Variants in SOCS2 observed in about 807,000 individuals in gnomAD.
SOCS2 encodes CIS-2.
Under a neutral mutation model 18.6 loss-of-function variants are expected in SOCS2, and 10 were observed. The observed-to-expected ratio is 0.54, with a 90% confidence interval of 0.33 to 0.91. The LOEUF (loss-of-function observed/expected upper bound fraction) is 0.91, where lower values mean the gene tolerates loss of function less well. SOCS2 is among the 40% of genes least tolerant of loss of function. The pLI is 0.02. For missense variants in SOCS2, 231 were observed against 247.2 expected (o/e 0.93, Z 0.44); for synonymous variants, 104 against 104.0 (o/e 1.00, Z 0.00).
the SOCS2 span, among the ~76,000 whole-genome samples, chr12:93,626,083 A>C: frequency 6.6e-6 from 1 of 152,136 alleles, no homozygotes; most frequent in Non-Finnish European, 1.5e-5. Flanking sequence ...GGTTCTGCCA[A>C]AGGTTTGGTT....
At chr12:93,596,079 A>G in the SOCS2 span, among the ~76,000 whole-genome samples, 2 of 152,162 alleles carry the variant, frequency 1.3e-5, no homozygotes, top group Admixed American at 1.3e-4. Flanking sequence ...CCTGATTGTT[A>G]AATGGTTGGA....
chr12:93,570,393 T>G (rs41534347), upstream of SOCS2: 1 of 152,344 alleles, frequency 6.6e-6, no homozygotes, highest in African/African-American at 2.4e-5. Context: ...CTCGCTGCCT[T>G]CCAGGACCTG....
chr12:93,573,508 C>A, intron 1 of SOCS2: 1 of 276,132 alleles, frequency 3.6e-6, no homozygotes, highest in Admixed American at 5.3e-5. Context: ...GCGAGGGCGG[C>A]TGCCCGGGCG....
At chr12:93,597,918 T>C in the SOCS2 span, among the ~76,000 whole-genome samples, 11 of 152,212 alleles carry the variant, frequency 7.2e-5, no homozygotes, top group African/African-American at 2.7e-4. Flanking sequence ...CTATGTAGTT[T>C]AGCTTTGTAG....
chr12:93,574,589 G>A (rs1954398633), intron 1 of SOCS2, 133 bp from the exon 2 acceptor site: 3 of 569,600 alleles, frequency 5.3e-6, no homozygotes, highest in Admixed American at 3.8e-5. Context: ...GTAAACTTTC[G>A]CTCACACACC....
At chr12:93,607,190 T>G in the SOCS2 span, among the ~76,000 whole-genome samples, 4 of 152,220 alleles carry the variant, frequency 2.6e-5, no homozygotes, top group African/African-American at 9.6e-5. Context: ...AGCCCTATCT[T>G]GAGACCATAG....
rs1393206271 is a variant in SOCS2 at position 93,575,171 on chromosome 12, C to G, written c.589C>G (p.Gln197Glu). 2 of 1,540,134 alleles carry G rather than the reference C, an allele frequency of 1.3e-6. No individual in the cohort carries two copies. The highest frequency in any genetic ancestry group is 1.4e-5 in the African/African-American group (1 of 72,314). The change falls in exon 2 of 2, where the codon CAG becomes GAG. Residue 197 changes from glutamine to glutamate, a missense_variant. This residue lies in a region of SOCS2 where 122 missense variants were observed against 127.2 expected (regional missense o/e 0.96). Transcript: ENST00000551556. ...LKDYLEEYKFQV is the reference protein window; with the variant it reads ...LKDYLEEYKFEV ...AGATTACTTGGAAGAATATAAATTC[C>G]AGGTATAAATGTTTCTCTTTTTTTA...
At chr12:93,611,217 G>C in the SOCS2 span, among the ~76,000 whole-genome samples, 1 of 151,892 alleles carries the variant, frequency 6.6e-6, no homozygotes, top group Non-Finnish European at 1.5e-5. Flanking sequence ...TTCTAATTAG[G>C]AACTGTCAAA....
chr12:93,625,988 A>G, the SOCS2 span, among the ~76,000 whole-genome samples: 3 of 152,004 alleles, frequency 2.0e-5, no homozygotes, highest in Admixed American at 6.6e-5. Flanking sequence ...TAACCATGAG[A>G]AAAAGGCCTG....
At chr12:93,583,049 G>T (rs149433302) in exon 2 of SOCS2, 76 of 141,788 alleles carry the variant, frequency 5.4e-4, no homozygotes, top group African/African-American at 1.9e-3. Context: ...CTGGTTAGAA[G>T]AATTTTGTGT....
At chr12:93,619,566 G>A in the SOCS2 span, among the ~76,000 whole-genome samples, 1 of 152,166 alleles carries the variant, frequency 6.6e-6, no homozygotes, top group East Asian at 1.9e-4. Flanking sequence ...GGTGCCATGT[G>A]GGCATCATAT....
At chr12:93,587,742 A>G (rs1223349959), downstream of SOCS2, among the ~76,000 whole-genome samples, 1 of 152,098 alleles carries the variant, frequency 6.6e-6, no homozygotes, top group East Asian at 1.9e-4. Context: ...TTCCAAGTAG[A>G]GCAGACCACA....
upstream of SOCS2, chr12:93,571,722 T>C (rs1333890883): frequency 1.0e-5 from 3 of 292,590 alleles, no homozygotes; most frequent in Non-Finnish European, 2.1e-5. Flanking sequence ...GACCGCCGCC[T>C]CCGAGCGCGG....
the SOCS2 span, among the ~76,000 whole-genome samples, chr12:93,618,117 C>T: frequency 3.3e-5 from 5 of 152,168 alleles, no homozygotes; most frequent in African/African-American, 1.2e-4. Flanking sequence ...CTCCCACTCT[C>T]TCTTCCGCCT....
chr12:93,572,834 C>T lies in SOCS2; in HGVS notation c.-64C>T. The T allele has an allele frequency of 6.5e-7, 1 of 1,550,340 alleles. No homozygotes were observed. Among genetic ancestry groups the T allele is most frequent in the Non-Finnish European group, 8.7e-7 (1 of 1,146,040 alleles). Reference sequence around the variant, plus strand: ...GATTCGCACTGACTTCAAGGAAGGACGCGAACCCTTCTCTGACCCCAGCTC... The same window carrying T: ...GATTCGCACTGACTTCAAGGAAGGATGCGAACCCTTCTCTGACCCCAGCTC... On this transcript the variant is annotated 5_prime_UTR_variant, in exon 1 of 2. It adds an upstream start codon to the 5' untranslated region. Coordinates refer to ENST00000551556, the MANE Select transcript of SOCS2 (RefSeq NM_001270471.2). This position sits in a 1 kb window ranked among gnomAD's most constrained non-coding sequence, Gnocchi z 5.0.
rs1954419389 is a variant in SOCS2, at chr12:93,575,052, A to G, written c.470A>G (p.Tyr157Cys). The change falls in exon 2 of 2, where the codon TAC (tyrosine) becomes TGC (cysteine). Residue 157 changes from tyrosine (Y) to cysteine (C), a missense_variant. By Grantham distance (194) the Tyr-to-Cys change is radical (BLOSUM62 -2). This residue lies in a region of SOCS2 where 122 missense variants were observed against 127.2 expected (regional missense o/e 0.96). Transcript: ENST00000551556. ...CACCTTTATCTGACCAAACCGCTCT[A>G]CACGTCAGCACCATCTCTGCAGCAT... ...TVHLYLTKPL[Y>C]TSAPSLQHLC... 2.5e-6 allele frequency: 4 copies of G among 1,614,160 alleles called. No individual in the cohort carries two copies. Among genetic ancestry groups the G allele is most frequent in the Non-Finnish European group, 3.4e-6 (4 of 1,180,016 alleles).
At chr12:93,597,486 C>T in the SOCS2 span, among the ~76,000 whole-genome samples, 6,888 of 152,070 alleles carry the variant, frequency 0.045, 505 homozygotes, top group African/African-American at 0.16. Flanking sequence ...CGCCTAATTT[C>T]TGTATTTTCA....
chr12:93,610,606 G>A, the SOCS2 span, among the ~76,000 whole-genome samples: 1 of 152,142 alleles, frequency 6.6e-6, no homozygotes, highest in Admixed American at 6.5e-5. Context: ...TTGAGTCATG[G>A]GCACTCCAGT....
At chr12:93,594,727 G>C in the SOCS2 span, among the ~76,000 whole-genome samples, 3 of 152,138 alleles carry the variant, frequency 2.0e-5, no homozygotes, top group African/African-American at 7.2e-5. Flanking sequence ...TTACTAGAAA[G>C]AATGTTATGT....
Sources: gnomAD v4.1 joint callset for allele counts (sites outside exome capture counted in the v4.1 genomes callset) on GRCh38, gnomAD v4.1.1 for gene constraint, gnomAD v4.1.1 regional missense constraint, Gnocchi (gnomAD v3.1) non-coding constraint, MANE v1.5 for transcripts, NCBI Gene and HGNC (gene_info 2026-07-23, HGNC 2026-07-21) for gene names.